MBP: variants seen among roughly 807,000 people sequenced by gnomAD.
MBP encodes Golli-MBP.
In MBP, 16 loss-of-function variants were observed where a neutral mutation model predicts 35.8. That is an observed-to-expected ratio of 0.45 (90% CI 0.30 to 0.68). The LOEUF (loss-of-function observed/expected upper bound fraction) is 0.68. Ranked by LOEUF, MBP falls within the 30% of genes least tolerant of loss-of-function variation. The pLI, the probability that MBP is intolerant of heterozygous loss-of-function variation, is 0.08. For missense variants in MBP, 380 were observed against 404.7 expected, an observed-to-expected ratio of 0.94 and a Z score of 0.52; for synonymous variants, 143 against 159.6, an observed-to-expected ratio of 0.90 and a Z score of 0.78.
intron 3 of MBP, among the ~76,000 whole-genome samples, chr18:77,058,761 G>A (rs1973845654): frequency 6.6e-6 from 1 of 152,264 alleles, no homozygotes; most frequent in Non-Finnish European, 1.5e-5. Flanking sequence ...GGGACCTGGA[G>A]GCCCTGGAGA....
chr18:77,039,545 T>A (rs1346441179), intron 3 of MBP, among the ~76,000 whole-genome samples: 2 of 152,196 alleles, frequency 1.3e-5, no homozygotes, highest in Admixed American at 1.3e-4. Context: ...AAGTCAGCCC[T>A]CTGGGATAAT....
chr18:77,103,108 C>T (rs981882110), intron 2 of MBP, among the ~76,000 whole-genome samples: 78 of 152,086 alleles, frequency 5.1e-4, no homozygotes, highest in African/African-American at 1.8e-3. Context: ...AAAATATACA[C>T]AGGAACAGTA....
chr18:77,111,757 GAA>G (rs1294353870), intron 1 of MBP, among the ~76,000 whole-genome samples: 3 of 152,356 alleles, frequency 2.0e-5, no homozygotes, highest in African/African-American at 7.2e-5. Flanking sequence ...CCTGCAGAGA[GAA>G]AACAGCCCCT....
intron 1 of MBP, among the ~76,000 whole-genome samples, chr18:77,105,809 C>T (rs1976257553): frequency 1.3e-5 from 2 of 152,344 alleles, no homozygotes; most frequent in East Asian, 3.9e-4. Context: ...GCTTAACAGA[C>T]AAGTGTCCAA....
chr18:77,105,343 G>T, intron 1 of MBP, 57 bp from the exon 2 acceptor site: 1 of 1,132,896 alleles, frequency 8.8e-7, no homozygotes, highest in Non-Finnish European at 1.3e-6. Context: ...AGTTTTCGAT[G>T]TTGTTTTTCC....
rs35884498 is a variant in MBP, at chr18:77,061,545, T to C, written c.139+4753A>G. 5.3e-3 allele frequency among the ~76,000 whole-genome samples: 806 copies of C among 152,234 alleles called. 8 individuals carry two copies. Among genetic ancestry groups the C allele is most frequent in the African/African-American group, 0.017 (695 of 41,506 alleles). On this transcript the variant is annotated intron_variant, in intron 3 of 8. Transcript: ENST00000355994. ...CTAAAAGCACACAGCTAAAAGGTGG[T>C]AGGGCTCTACCACCTGCTGTGTAAA...
At chr18:77,076,538 A>C (rs1974659498) in intron 2 of MBP, among the ~76,000 whole-genome samples, 1 of 152,184 alleles carries the variant, frequency 6.6e-6, no homozygotes, top group African/African-American at 2.4e-5. Context: ...CAGCTCACAA[A>C]ATCCTGAGAC....
chr18:77,108,983 G>T (rs1217015462), intron 1 of MBP: 2 of 152,282 alleles, frequency 1.3e-5, no homozygotes, highest in Admixed American at 1.3e-4. Flanking sequence ...TTCCCATAAA[G>T]TAGAGGTAAT....
chr18:77,070,228 T>G (rs1362018982), intron 2 of MBP, among the ~76,000 whole-genome samples: 1 of 152,188 alleles, frequency 6.6e-6, no homozygotes, highest in Non-Finnish European at 1.5e-5. Context: ...AGGCCCTCCC[T>G]GCGTCATTGC....
At chr18:77,040,716 C>G (rs1160749335) in intron 3 of MBP, among the ~76,000 whole-genome samples, 3 of 152,178 alleles carry the variant, frequency 2.0e-5, no homozygotes, top group Non-Finnish European at 4.4e-5. Flanking sequence ...GCTGGGAAAA[C>G]TGGCTAGCCA....
intron 4 of MBP, among the ~76,000 whole-genome samples, chr18:76,999,330 G>T (rs1970505944): frequency 6.6e-6 from 1 of 152,108 alleles, no homozygotes; most frequent in Non-Finnish European, 1.5e-5. Context: ...CGCTTCCCCC[G>T]TCAACCCCAT....
chr18:77,083,953 T>C (rs1482290406), intron 2 of MBP, among the ~76,000 whole-genome samples: 1 of 152,132 alleles, frequency 6.6e-6, no homozygotes, highest in East Asian at 1.9e-4. Context: ...CAAGACTGCA[T>C]TGTACACCTT....
chr18:77,075,738 G>A (rs1974624642), intron 2 of MBP, among the ~76,000 whole-genome samples: 1 of 152,204 alleles, frequency 6.6e-6, no homozygotes, highest in Non-Finnish European at 1.5e-5. Context: ...TCAATGCACA[G>A]GAGCCAGTCA....
intron 3 of MBP, among the ~76,000 whole-genome samples, chr18:77,030,448 G>A (rs1365621077): frequency 1.3e-5 from 2 of 152,200 alleles, no homozygotes; most frequent in African/African-American, 4.8e-5. Flanking sequence ...TGTCTTAAAT[G>A]CACAATGGCA....
chr18:77,057,304 C>G (rs1362515575), intron 3 of MBP, among the ~76,000 whole-genome samples: 2 of 152,206 alleles, frequency 1.3e-5, no homozygotes, highest in African/African-American at 4.8e-5. Context: ...CAGCTGCACC[C>G]TCATCTGACA....
intron 4 of MBP, among the ~76,000 whole-genome samples, chr18:76,992,918 C>T (rs912662116): frequency 6.6e-6 from 1 of 152,238 alleles, no homozygotes; most frequent in African/African-American, 2.4e-5. Context: ...CATCCTCTGC[C>T]CTGGGCCTTG....
chr18:77,059,018 T>TA (rs1973855975), intron 3 of MBP, among the ~76,000 whole-genome samples: 1 of 45,182 alleles, frequency 2.2e-5, no homozygotes, highest in Non-Finnish European at 4.9e-5. Context: ...GCTGGGGAAA[T>TA]AGGCATATTC....
Position 76,988,478 on chromosome 18 carries a change from G to A in MBP, c.750+17C>T, listed in dbSNP as rs1969696519. 1.2e-6 allele frequency: 2 copies of A among 1,614,080 alleles called. No individual in the cohort carries two copies. The highest frequency in any genetic ancestry group is 1.7e-5 in the Admixed American group (1 of 60,006). Reference sequence around the variant, plus strand: ...GGGACGGAAGAGGAAGCCGATGGAAGTGCGTTCGTCACCTACCCAGCTAAA... The same window carrying A: ...GGGACGGAAGAGGAAGCCGATGGAAATGCGTTCGTCACCTACCCAGCTAAA... On this transcript the variant is annotated intron_variant, in intron 7 of 8. Transcript: ENST00000355994. This position sits in a 1 kb window ranked among gnomAD's most constrained non-coding sequence, Gnocchi z 5.2.
In MBP at chr18:77,011,377, C is replaced by T. The variant is rs75731382; in HGVS notation, c.576+5455G>A. The stretch of plus-strand genomic sequence containing the variant: ...GTACGCTATGTACAGGGCCAACAAG[C>T]GAAGAACTTTCCATTAATTTTCCCT... On this transcript the variant is annotated intron_variant, in intron 4 of 8. Coordinates refer to ENST00000355994, the MANE Select transcript of MBP (RefSeq NM_001025101.2). Among the ~76,000 whole-genome samples the T allele has an allele frequency of 3.1e-3, 470 of 152,250 alleles. 1 individual carries two copies. Among genetic ancestry groups the T allele is most frequent in the African/African-American group, 0.01 (427 of 41,534 alleles).
Sources: gnomAD v4.1 joint callset for allele counts (sites outside exome capture counted in the v4.1 genomes callset) on GRCh38, gnomAD v4.1.1 for gene constraint, Gnocchi (gnomAD v3.1) non-coding constraint, MANE v1.5 for transcripts, NCBI Gene and HGNC (gene_info 2026-07-23, HGNC 2026-07-21) for gene names.